The following NKAIN3 variants were observed in gnomAD, a reference collection of about 807,000 sequenced individuals.
NKAIN3 encodes the protein sodium/potassium-transporting ATPase subunit beta-1-interacting protein 3.
A neutral mutation model predicts 30.2 loss-of-function variants in NKAIN3; 25 were observed. The observed-to-expected ratio is 0.83, with a 90% CI of 0.60 to 1.16. The LOEUF (loss-of-function observed/expected upper bound fraction) is 1.16, where lower values mean the gene tolerates loss of function less well. Among genes scored for constraint, NKAIN3 ranks in the 50% most tolerant of loss-of-function variants. NKAIN3 has a pLI of 0.00. For missense variants in NKAIN3, 225 were observed against 254.1 expected (o/e 0.89, Z 0.78); for synonymous variants, 91 against 89.6 (o/e 1.02, Z -0.09).
At chr8:62,667,354 T>C (rs1277259006) in intron 3 of NKAIN3, among the ~76,000 whole-genome samples, 2 of 76,664 alleles carry the variant, frequency 2.6e-5, no homozygotes, top group African/African-American at 6.5e-5. Flanking sequence ...TCTTTATATA[T>C]ATATCTGTAT....
chr8:62,842,049 C>T (rs541905809), intron 4 of NKAIN3, among the ~76,000 whole-genome samples: 1 of 152,046 alleles, frequency 6.6e-6, no homozygotes, highest in South Asian at 2.1e-4. Flanking sequence ...TTGTGTTTTC[C>T]TAATGATTAG....
chr8:62,836,915 T>C (rs1007254448), intron 4 of NKAIN3, among the ~76,000 whole-genome samples: 1 of 151,954 alleles, frequency 6.6e-6, no homozygotes, highest in African/African-American at 2.4e-5. Context: ...AACCTTTTAT[T>C]AAACAAAAAA....
intron 4 of NKAIN3, among the ~76,000 whole-genome samples, chr8:62,918,091 A>T (rs749156958): frequency 1.3e-5 from 2 of 152,218 alleles, no homozygotes; most frequent in South Asian, 2.1e-4. Flanking sequence ...AAATAGTTAT[A>T]GTTAATTAGT....
rs1823831698 is a variant in NKAIN3 at position 62,971,420 on chromosome 8, T to C, written c.*6013T>C. Among the ~76,000 whole-genome samples, 1 of 151,696 alleles carries C rather than the reference T, an allele frequency of 6.6e-6. No homozygotes were observed. Among genetic ancestry groups the C allele is most frequent in the South Asian group, 2.1e-4 (1 of 4,756 alleles). On this transcript the variant is annotated 3_prime_UTR_variant, in exon 7 of 7. Transcript: ENST00000623646. The stretch of plus-strand genomic sequence containing the variant: ...GGAAGGCCAAGGCGTGCAGATCACT[T>C]GAGCTTACGAGTTCGAGACCAGCCT...
At chr8:62,651,730 C>T (rs1440956078) in intron 3 of NKAIN3, among the ~76,000 whole-genome samples, 2 of 152,066 alleles carry the variant, frequency 1.3e-5, no homozygotes, top group Admixed American at 1.3e-4. Flanking sequence ...GTGATTTGAT[C>T]ATGGGGTTGG....
chr8:62,987,561 G>A (rs1245468352), downstream of NKAIN3, among the ~76,000 whole-genome samples: 2 of 152,004 alleles, frequency 1.3e-5, no homozygotes, highest in South Asian at 2.1e-4. Context: ...CATGTCCAGG[G>A]GAACTCTCCC....
At chr8:62,557,462 C>T (rs1809437781) in intron 1 of NKAIN3, among the ~76,000 whole-genome samples, 1 of 151,842 alleles carries the variant, frequency 6.6e-6, no homozygotes. Context: ...CTACTTTTAG[C>T]TCTTAAAAAA....
intron 4 of NKAIN3, among the ~76,000 whole-genome samples, chr8:62,817,897 C>T (rs1337108129): frequency 6.6e-6 from 1 of 152,096 alleles, no homozygotes; most frequent in African/African-American, 2.4e-5. Context: ...TGTTTCTTTC[C>T]TGTTTTTGAT....
chr8:62,802,519 T>G (rs1486681378), intron 4 of NKAIN3, among the ~76,000 whole-genome samples: 1 of 152,088 alleles, frequency 6.6e-6, no homozygotes, highest in Non-Finnish European at 1.5e-5. Flanking sequence ...AAACTAAGCT[T>G]CATAAGTGAA....
At chr8:62,560,531 C>CTTT (rs869256384) in intron 1 of NKAIN3, among the ~76,000 whole-genome samples, 627 of 45,354 alleles carry the variant, frequency 0.014, 32 homozygotes, top group Non-Finnish European at 0.017. Context: ...TTTTTCTTTT[C>CTTT]TTTTTTTTTT....
At chr8:62,485,419 TA>T (rs551063603) in intron 1 of NKAIN3, among the ~76,000 whole-genome samples, 2 of 152,158 alleles carry the variant, frequency 1.3e-5, no homozygotes, top group Non-Finnish European at 2.9e-5. Context: ...TAAATCCTGT[TA>T]AAAAAACACC....
At chr8:62,435,774 G>A (rs1226302900) in intron 1 of NKAIN3, among the ~76,000 whole-genome samples, 2 of 152,132 alleles carry the variant, frequency 1.3e-5, no homozygotes, top group African/African-American at 2.4e-5. Flanking sequence ...ACATTTTGAT[G>A]TACATTATTT....
chr8:62,920,363 G>A (rs953749850), intron 5 of NKAIN3, among the ~76,000 whole-genome samples: 2 of 152,186 alleles, frequency 1.3e-5, no homozygotes, highest in African/African-American at 4.8e-5. Flanking sequence ...GTACCTAACA[G>A]TGGGAGAAAA....
chr8:62,396,945 C>T (rs896891259), intron 1 of NKAIN3, among the ~76,000 whole-genome samples: 7 of 152,126 alleles, frequency 4.6e-5, no homozygotes, highest in African/African-American at 7.2e-5. Context: ...AGCCCTTGAG[C>T]GGGCAGTGAT....
chr8:62,708,542 A>T (rs970481089), intron 3 of NKAIN3, among the ~76,000 whole-genome samples: 30 of 152,122 alleles, frequency 2.0e-4, no homozygotes, highest in African/African-American at 7.0e-4. Context: ...TGATGTATAG[A>T]AGAGCTACTG....
Position 62,883,457 on chromosome 8 carries a change from G to GTTGTTTTTTTTTTTT in NKAIN3, c.472-34994_472-34993insGTTTTTTTTTTTTTT. Among the ~76,000 whole-genome samples, 429 of 70,130 alleles carry GTTGTTTTTTTTTTTT rather than the reference G, an allele frequency of 6.1e-3. 64 individuals are homozygous for GTTGTTTTTTTTTTTT. Among genetic ancestry groups the GTTGTTTTTTTTTTTT allele is most frequent in the African/African-American group, 0.013 (192 of 14,272 alleles). 46.0% of individuals were successfully genotyped at this position (70,130 alleles called of 152,430 possible). A position where few individuals can be genotyped will look rare whatever the true frequency, so the allele number is the denominator to read the frequency against. On this transcript the variant is annotated intron_variant, in intron 4 of 6. Transcript: ENST00000623646. Reference sequence around the variant, plus strand: ...TTTATTATTTCCAGGAGTTTTATGGGTTTTTTTTTTTTTTTTCAGATTTTC... The same window carrying GTTGTTTTTTTTTTTT: ...TTTATTATTTCCAGGAGTTTTATGGGTTGTTTTTTTTTTTTTTTTTTTTTTTTTTTTCAGATTTTC...
chr8:62,810,181 G>T (rs185644691), intron 4 of NKAIN3, among the ~76,000 whole-genome samples: 5 of 152,064 alleles, frequency 3.3e-5, no homozygotes, highest in Non-Finnish European at 7.4e-5. Flanking sequence ...TTAGCTGCAC[G>T]TTGAGAAATT....
At chr8:62,402,357 TCTAAGAG>T (rs1196604180) in intron 1 of NKAIN3, among the ~76,000 whole-genome samples, 1 of 152,152 alleles carries the variant, frequency 6.6e-6, no homozygotes, top group East Asian at 1.9e-4. Flanking sequence ...AGAAATGCTC[TCTAAGAG>T]CCAAGACCTG....
chr8:62,404,319 C>T lies in NKAIN3; in HGVS notation c.54+155192C>T, dbSNP rs182467963. Among the ~76,000 whole-genome samples, 6 of 152,134 alleles carry T rather than the reference C, an allele frequency of 3.9e-5. No individual in the cohort carries two copies. In the East Asian group the frequency reaches 7.8e-4, roughly 20 times the overall value. On this transcript the variant is annotated intron_variant, in intron 1 of 6. Transcript: ENST00000623646. ...AAGGGCATGATTGTGTTTTGAAATG[C>T]GAGGACATGAGATTTTGGAGGGGCC...
Sources: gnomAD v4.1 joint callset for allele counts (sites outside exome capture counted in the v4.1 genomes callset) on GRCh38, gnomAD v4.1.1 for gene constraint, MANE v1.5 for transcripts, NCBI Gene and HGNC (gene_info 2026-07-23, HGNC 2026-07-21) for gene names.